ST3GAL2: variants seen among roughly 807,000 people sequenced by gnomAD.
ST3GAL2 encodes the protein ST3 beta-galactoside alpha-2,3-sialyltransferase 2.
Under a neutral mutation model 37.5 loss-of-function variants are expected in ST3GAL2, and 16 were observed. The ratio of observed to expected loss-of-function variants is 0.43; its 90% confidence interval spans 0.29 to 0.65. The LOEUF (loss-of-function observed/expected upper bound fraction) is 0.65, where lower values mean the gene tolerates loss of function less well. Ranked by LOEUF, ST3GAL2 falls within the 30% of genes least tolerant of loss-of-function variation. The pLI is 0.17. For synonymous variants in ST3GAL2, 238 were observed against 202.9 expected (o/e 1.17, Z -1.47); for missense variants, 383 against 487.8 (o/e 0.79, Z 2.02).
At chr16:70,410,646 C>G (rs916120868) in intron 1 of ST3GAL2, among the ~76,000 whole-genome samples, 1 of 151,050 alleles carries the variant, frequency 6.6e-6, no homozygotes, top group African/African-American at 2.4e-5. Context: ...TGTACATTTT[C>G]TTGATGAAGT....
At chr16:70,437,433 CT>C (rs1185708827) in intron 1 of ST3GAL2, among the ~76,000 whole-genome samples, 1 of 152,060 alleles carries the variant, frequency 6.6e-6, no homozygotes, top group African/African-American at 2.4e-5. Flanking sequence ...CCTGTCCCTC[CT>C]TTCCTCCACC....
At chr16:70,389,707 G>C (rs1421961269) in intron 3 of ST3GAL2, among the ~76,000 whole-genome samples, 1 of 152,104 alleles carries the variant, frequency 6.6e-6, no homozygotes, top group Non-Finnish European at 1.5e-5. Context: ...CTCGTGATGC[G>C]CCGGCCTCGG....
At chr16:70,427,591 C>T (rs564526076) in intron 1 of ST3GAL2, among the ~76,000 whole-genome samples, 62 of 152,284 alleles carry the variant, frequency 4.1e-4, no homozygotes, top group African/African-American at 1.4e-3. Flanking sequence ...CCCGCCTCAG[C>T]CTCCCAAAGT....
At chr16:70,404,615 G>T (rs1321176979) in intron 1 of ST3GAL2, among the ~76,000 whole-genome samples, 3 of 152,214 alleles carry the variant, frequency 2.0e-5, no homozygotes, top group African/African-American at 7.2e-5. Flanking sequence ...AAATGGTGCA[G>T]TCGCTTTGGG....
At chr16:70,419,788 C>T (rs1011441707) in intron 1 of ST3GAL2, among the ~76,000 whole-genome samples, 1 of 152,138 alleles carries the variant, frequency 6.6e-6, no homozygotes, top group Non-Finnish European at 1.5e-5. Flanking sequence ...TCATGGACCT[C>T]GCCTCCTCCA....
Position 70,381,878 on chromosome 16 carries a change from G to C in ST3GAL2, c.880-16C>G, listed in dbSNP as rs376808456. ...ACACGTTCACCTGCGGGGAAGCGCA[G>C]CGGAGCGTCACCCCAGGCGGGGACC... On this transcript the variant is annotated splice_polypyrimidine_tract_variant and intron_variant, in intron 6 of 6. Transcript: ENST00000342907. 16 of 1,612,200 alleles carry C rather than the reference G, an allele frequency of 9.9e-6. No homozygotes were observed. The highest frequency in any genetic ancestry group is 3.4e-4 in the Middle Eastern group (2 of 5,838).
chr16:70,427,797 T>C (rs1309373646), intron 1 of ST3GAL2, among the ~76,000 whole-genome samples: 2 of 152,200 alleles, frequency 1.3e-5, no homozygotes, highest in Non-Finnish European at 2.9e-5. Context: ...GTCTCTCAGA[T>C]CTATTTCTCG....
intron 4 of ST3GAL2, among the ~76,000 whole-genome samples, chr16:70,386,350 G>A (rs753421582): frequency 4.6e-5 from 7 of 152,100 alleles, no homozygotes; most frequent in Non-Finnish European, 1.0e-4. Flanking sequence ...ACCACGGCCG[G>A]CTAATTTTTT....
chr16:70,388,271 T>C, intron 4 of ST3GAL2, 96 bp downstream of exon 4: 1 of 1,530,824 alleles, frequency 6.5e-7, no homozygotes, highest in Non-Finnish European at 8.9e-7. Flanking sequence ...TTGGCCAAAA[T>C]GTTCAATGAA....
At chr16:70,422,181 G>A (rs1293021960) in intron 1 of ST3GAL2, among the ~76,000 whole-genome samples, 1 of 152,170 alleles carries the variant, frequency 6.6e-6, no homozygotes, top group Non-Finnish European at 1.5e-5. Context: ...ACCTCTCTGG[G>A]CTGCAGGTCC....
At chr16:70,424,948 G>C (rs528786004) in intron 1 of ST3GAL2, among the ~76,000 whole-genome samples, 14 of 152,296 alleles carry the variant, frequency 9.2e-5, no homozygotes, top group Admixed American at 8.5e-4. Context: ...AGGCACTGTG[G>C]CTGGGTGCAT....
chr16:70,415,805 T>G (rs2047673232), intron 1 of ST3GAL2, among the ~76,000 whole-genome samples: 1 of 135,886 alleles, frequency 7.4e-6, no homozygotes, highest in Non-Finnish European at 1.5e-5. Flanking sequence ...AGAGTCTCAG[T>G]CACCCAGCCT....
intron 1 of ST3GAL2, among the ~76,000 whole-genome samples, chr16:70,424,944 T>C (rs2047740234): frequency 1.3e-5 from 2 of 152,186 alleles, no homozygotes; most frequent in Non-Finnish European, 2.9e-5. Flanking sequence ...GACCAGGCAC[T>C]GTGGCTGGGT....
At chr16:70,410,273 C>T (rs145957037) in intron 1 of ST3GAL2, among the ~76,000 whole-genome samples, 1,946 of 30,626 alleles carry the variant, frequency 0.064, 131 homozygotes, top group African/African-American at 0.31. Context: ...TTTTTTGAGA[C>T]GGAGTCTCAC....
chr16:70,381,526 A>T lies in ST3GAL2; in HGVS notation c.*163T>A. The T allele has an allele frequency of 1.3e-6, 1 of 785,730 alleles. No homozygotes were observed. Among genetic ancestry groups the T allele is most frequent in the Non-Finnish European group, 2.0e-6 (1 of 508,548 alleles). The allele number at this position is 785,730 out of a possible 1,614,324, so 48.7% of individuals were successfully genotyped here. A position where few individuals can be genotyped will look rare whatever the true frequency, so the allele number is the denominator to read the frequency against. ...CAGAAGCTCCGCCCGACCGCAGCGC[A>T]GATTGGTGCCAGGCCCGGCCGGTCC... On this transcript the variant is annotated 3_prime_UTR_variant, in exon 7 of 7. Transcript: ENST00000342907.
rs145966487 is a variant in ST3GAL2, at chr16:70,388,069, G to A, written c.713+298C>T. Among the ~76,000 whole-genome samples the A allele has an allele frequency of 5.1e-3, 763 of 149,868 alleles. 3 individuals carry two copies. The highest frequency in any genetic ancestry group is 0.018 in the African/African-American group (720 of 40,654). ...GGATGTTGCAGTGAGCCAAGATCGC[G>A]CCATTGCACCCCGGCCTGGGCAACA... On this transcript the variant is annotated intron_variant, in intron 4 of 6. Transcript: ENST00000342907.
rs2151651551 is a variant in ST3GAL2, at chr16:70,376,109, G to A, written c.*5580C>T. The A allele has an allele frequency of 6.6e-6, 1 of 152,352 alleles. No homozygotes were observed. The highest frequency in any genetic ancestry group is 1.5e-5 in the Non-Finnish European group (1 of 68,050). 9.4% of individuals were successfully genotyped at this position (152,352 alleles called of 1,614,324 possible). On this transcript the variant is annotated 3_prime_UTR_variant, in exon 7 of 7. Transcript: ENST00000342907. ...GAAGCACCGTGGAGACGCAGCCCAG[G>A]GGACTGCCATGGCCCTGCGAAGGGG... is the stretch of plus-strand genomic sequence containing the variant.
chr16:70,403,091 G>A (rs940253682), intron 1 of ST3GAL2, among the ~76,000 whole-genome samples: 17 of 152,142 alleles, frequency 1.1e-4, no homozygotes, highest in African/African-American at 2.4e-4. Context: ...TGGCTGTTGC[G>A]TAAGACTAGC....
rs1046227097 is a variant in ST3GAL2 at position 70,380,745 on chromosome 16, G to A, written c.*944C>T. 2 of 152,830 alleles carry A rather than the reference G, an allele frequency of 1.3e-5. No homozygotes were observed. Among genetic ancestry groups the A allele is most frequent in the East Asian group, 1.9e-4 (1 of 5,206 alleles). The allele number at this position is 152,830 out of a possible 1,614,324, so 9.5% of individuals were successfully genotyped here. ...AAGTTACCCCCAGGCAAGAGGCGATGGGTGGAGGAGGAGGTACATGCAGCG... is the reference window on the plus strand; with the variant it reads ...AAGTTACCCCCAGGCAAGAGGCGATAGGTGGAGGAGGAGGTACATGCAGCG... On this transcript the variant is annotated 3_prime_UTR_variant, in exon 7 of 7. Transcript: ENST00000342907.
Sources: allele counts gnomAD v4.1 joint callset (sites outside exome capture counted in the v4.1 genomes callset), GRCh38; gene constraint gnomAD v4.1.1; transcripts MANE v1.5; gene names NCBI Gene and HGNC (gene_info 2026-07-23, HGNC 2026-07-21).